The following USP3 variants were observed in gnomAD, a reference collection of about 807,000 sequenced individuals.
USP3 encodes the protein ubiquitin carboxyl-terminal hydrolase 3.
Under a neutral mutation model 72.3 loss-of-function variants are expected in USP3, and 20 were observed. The ratio of observed to expected loss-of-function variants is 0.28; its 90% CI spans 0.19 to 0.40. The LOEUF is 0.40. Among genes scored for constraint, USP3 ranks in the 10% least tolerant of loss-of-function variants. The pLI is 1.00. For missense variants in USP3, 479 were observed against 633.9 expected (o/e 0.76, Z 2.62); for synonymous variants, 222 against 225.3 (o/e 0.99, Z 0.13).
At chr15:63,504,980 G>T in intron 1 of USP3, 150 bp downstream of exon 1, 1 of 448,024 alleles carries the variant, frequency 2.2e-6, no homozygotes. Flanking sequence ...TACGCGATGA[G>T]GCGGGCGCGT....
chr15:63,585,102 C>A (rs1024010510), intron 11 of USP3, among the ~76,000 whole-genome samples: 2 of 152,090 alleles, frequency 1.3e-5, no homozygotes, highest in African/African-American at 4.8e-5. Context: ...TGTCCTTATG[C>A]CAGTGCCATC....
In USP3 at chr15:63,513,956, G is replaced by C. The variant is rs541432285; in HGVS notation, c.91+9126G>C. ...GGTTGAGCAAATTTTAATTTTAGTT[G>C]CACACAGTAAAATGTTCTTTGGTTT... On this transcript the variant is annotated intron_variant, in intron 1 of 14. Coordinates refer to ENST00000380324, the MANE Select transcript of USP3 (RefSeq NM_006537.4). 1.7e-4 allele frequency among the ~76,000 whole-genome samples: 26 copies of C among 152,246 alleles called. No individual in the cohort carries two copies. The South Asian group carries it at 5.4e-3, about 32-fold the overall frequency.
At chr15:63,523,594 A>G (rs2065945107) in intron 1 of USP3, among the ~76,000 whole-genome samples, 2 of 152,190 alleles carry the variant, frequency 1.3e-5, no homozygotes, top group South Asian at 2.1e-4. Context: ...AGCTAAAACA[A>G]TGTGGAGCAG....
At chr15:63,565,423 C>G (rs1362811566) in intron 8 of USP3, among the ~76,000 whole-genome samples, 2 of 152,190 alleles carry the variant, frequency 1.3e-5, no homozygotes, top group Non-Finnish European at 2.9e-5. Flanking sequence ...TCAGCTCTTT[C>G]TATCCTTTTG....
chr15:63,558,248 C>T, intron 6 of USP3, 60 bp downstream of exon 6: 1 of 1,562,364 alleles, frequency 6.4e-7, no homozygotes, highest in Non-Finnish European at 8.8e-7. Flanking sequence ...CGGGCTCTGG[C>T]TCCCTATCTC....
Position 63,574,027 on chromosome 15 carries a change from G to C in USP3, c.909-19G>C. 6.6e-7 allele frequency: 1 copy of C among 1,517,648 alleles called. No individual in the cohort carries two copies. The allele number at this position is 1,517,648 out of a possible 1,614,324, so 94.0% of individuals were successfully genotyped here. A position where few individuals can be genotyped will look rare whatever the true frequency, so the allele number is the denominator to read the frequency against. On this transcript the variant is annotated intron_variant, in intron 9 of 14. Transcript: ENST00000380324. This position sits in a 1 kb window ranked among gnomAD's most constrained non-coding sequence, Gnocchi z 4.6. ...TGGCTTCTTACTGAGATATTTTCCT[G>C]TGTGGTGATTTTGTTTAGAAATGGA...
At chr15:63,516,710 T>C (rs975171472) in intron 1 of USP3, among the ~76,000 whole-genome samples, 1 of 152,056 alleles carries the variant, frequency 6.6e-6, no homozygotes, top group Non-Finnish European at 1.5e-5. Context: ...TTTTATTCTT[T>C]TTCCTATAAT....
intron 11 of USP3, among the ~76,000 whole-genome samples, chr15:63,586,067 TTA>T (rs2067054472): frequency 1.3e-5 from 2 of 152,222 alleles, no homozygotes; most frequent in Non-Finnish European, 2.9e-5. Flanking sequence ...CAGCAACATT[TTA>T]TAGCTTTCAG....
At chr15:63,526,430 A>G (rs117553946) in intron 1 of USP3, among the ~76,000 whole-genome samples, 4,313 of 152,308 alleles carry the variant, frequency 0.028, 99 homozygotes, top group Middle Eastern at 0.055. Flanking sequence ...ATTGGATTGT[A>G]GAAGATTAAT....
intron 1 of USP3, among the ~76,000 whole-genome samples, chr15:63,515,829 G>A (rs1173688093): frequency 6.6e-6 from 1 of 152,160 alleles, no homozygotes; most frequent in African/African-American, 2.4e-5. Context: ...GCTTAAAATA[G>A]AATTTTAGTC....
rs1016061274 is a variant in USP3 at position 63,553,323 on chromosome 15, C to G, written c.285-392C>G. 6.5e-6 allele frequency: 1 copy of G among 153,956 alleles called. No homozygotes were observed. The highest frequency in any genetic ancestry group is 2.4e-5 in the African/African-American group (1 of 41,520). The allele number at this position is 153,956 out of a possible 1,614,324, so 9.5% of individuals were successfully genotyped here. ...TTAAATCTCTCCTTCCCCCAATTCC[C>G]CATTAATTTGGGTTGGGAAGTGTCA... is the stretch of plus-strand genomic sequence containing the variant. On this transcript the variant is annotated intron_variant, in intron 3 of 14. Transcript: ENST00000380324. This position sits in a 1 kb window ranked among gnomAD's most constrained non-coding sequence, Gnocchi z 4.2.
At position 63,588,801 on chromosome 15, in the gene USP3, T is replaced by C. The variant is rs761956783; in HGVS notation, c.1315T>C (p.Cys439Arg). 27 of 1,613,956 alleles carry C rather than the reference T, an allele frequency of 1.7e-5. No homozygotes were observed. The South Asian group carries it at 2.9e-4, about 17-fold the overall frequency. The change falls in exon 13 of 15, where the codon TGC becomes CGC. Residue 439 changes from cysteine (C) to arginine (R), a missense_variant. Cys to Arg is a radical substitution (Grantham distance 180). Coordinates refer to ENST00000380324, the MANE Select transcript of USP3 (RefSeq NM_006537.4). The surrounding 1 kb of genome is among the most constrained non-coding windows in gnomAD (Gnocchi z 4.6). The part of the protein sequence containing the change: ...EFPLRGLDMK[C>R]YLLEPENSGP... Reference sequence around the variant, plus strand: ...TCCACTGAGAGGCCTAGACATGAAATGCTACTTACTAGAGGTAAGGTGGTT... The same window carrying C: ...TCCACTGAGAGGCCTAGACATGAAACGCTACTTACTAGAGGTAAGGTGGTT...
chr15:63,590,735 CACTG>C lies in USP3; in HGVS notation c.1479_1482del (p.Asp494ArgfsTer5), dbSNP rs750194291. 6.2e-7 allele frequency: 1 copy of C among 1,614,176 alleles called. No individual in the cohort carries two copies. On this transcript the variant is annotated frameshift_variant, in exon 15 of 15. Transcript: ENST00000380324. LOFTEE classifies it high-confidence loss of function. Reference sequence around the variant, plus strand: ...TTCCACTTCAATGACAGTACTGTAACACTGACTGACGAGGAGACTGTGGTGAAGG... The same window carrying C: ...TTCCACTTCAATGACAGTACTGTAACACTGACGAGGAGACTGTGGTGAAGG...
At chr15:63,508,326 G>A (rs766445478) in intron 1 of USP3, among the ~76,000 whole-genome samples, 4 of 152,136 alleles carry the variant, frequency 2.6e-5, no homozygotes, top group Non-Finnish European at 5.9e-5. Flanking sequence ...TTATGTTTCT[G>A]TAGAGACCTG....
intron 3 of USP3, among the ~76,000 whole-genome samples, chr15:63,545,918 T>C (rs2011570): frequency 0.8 from 117,909 of 146,622 alleles, 49,109 homozygotes; most frequent in Non-Finnish European, 0.86. Context: ...TTACAGTGAG[T>C]TGAGATCACG....
chr15:63,545,705 C>A (rs931385107), intron 3 of USP3, among the ~76,000 whole-genome samples: 7 of 151,946 alleles, frequency 4.6e-5, no homozygotes, highest in African/African-American at 1.7e-4. Context: ...CACGGTAGCT[C>A]ACAACTGTAA....
chr15:63,569,942 A>G (rs976828746), intron 8 of USP3, among the ~76,000 whole-genome samples: 1 of 152,164 alleles, frequency 6.6e-6, no homozygotes, highest in Non-Finnish European at 1.5e-5. Flanking sequence ...CAATCTAAGG[A>G]GTCATTAATA....
intron 1 of USP3, among the ~76,000 whole-genome samples, chr15:63,506,387 A>G (rs535843050): frequency 7.2e-5 from 11 of 152,316 alleles, no homozygotes; most frequent in Non-Finnish European, 1.0e-4. Context: ...AAAAAGACCA[A>G]AGTAAACACT....
chr15:63,584,140 C>T (rs1399666930), intron 11 of USP3, among the ~76,000 whole-genome samples: 2 of 140,784 alleles, frequency 1.4e-5, no homozygotes, highest in Non-Finnish European at 3.0e-5. Context: ...CTCTGTCGCG[C>T]AGGCTGGAGT....
Sources: gnomAD v4.1 joint callset for allele counts (sites outside exome capture counted in the v4.1 genomes callset) on GRCh38, gnomAD v4.1.1 for gene constraint, Gnocchi (gnomAD v3.1) non-coding constraint, MANE v1.5 for transcripts, NCBI Gene and HGNC (gene_info 2026-07-23, HGNC 2026-07-21) for gene names.